The following CSMD1 variants were observed in gnomAD, a reference collection of about 807,000 sequenced individuals.
CSMD1 encodes the protein CUB and sushi domain-containing protein 1.
Under a neutral mutation model 417.5 loss-of-function variants are expected in CSMD1, and 213 were observed. That is an observed-to-expected ratio of 0.51 (90% confidence interval 0.46 to 0.57). CSMD1 has a LOEUF of 0.57. Ranked by LOEUF, CSMD1 falls within the 20% of genes least tolerant of loss-of-function variation. The pLI is 0.00. For missense variants in CSMD1, 6,923 were observed against 4,529.7 expected (o/e 1.53, Z -15.17); for synonymous variants, 2,862 against 1,736.8 (o/e 1.65, Z -16.11).
At chr8:4,310,919 C>T (rs1265719504) in intron 3 of CSMD1, among the ~76,000 whole-genome samples, 1 of 152,180 alleles carries the variant, frequency 6.6e-6, no homozygotes, top group Non-Finnish European at 1.5e-5. Flanking sequence ...TATCACTAAT[C>T]ATTAGAGAAA....
Position 3,367,266 on chromosome 8 carries a change from G to C in CSMD1, c.2900-19C>G. On this transcript the variant is annotated intron_variant, in intron 19 of 69. Transcript: ENST00000635120. ...TGAACTCCTGAGAAATGAAGCCGGG[G>C]GAGAGAGAGAGAGACAGAGAGAGAC... 1 of 1,522,310 alleles carries C rather than the reference G, an allele frequency of 6.6e-7. No individual in the cohort carries two copies. Among genetic ancestry groups the C allele is most frequent in the East Asian group, 2.4e-5 (1 of 42,352 alleles). 94.3% of individuals were successfully genotyped at this position (1,522,310 alleles called of 1,614,324 possible). A position where few individuals can be genotyped will look rare whatever the true frequency, so the allele number is the denominator to read the frequency against.
chr8:3,719,653 C>G (rs1204611045), intron 6 of CSMD1, among the ~76,000 whole-genome samples: 1 of 152,140 alleles, frequency 6.6e-6, no homozygotes, highest in Non-Finnish European at 1.5e-5. Context: ...GTAGGGCGGT[C>G]AGATGAGCTT....
At chr8:4,746,623 G>T (rs985657833) in intron 1 of CSMD1, among the ~76,000 whole-genome samples, 1 of 152,166 alleles carries the variant, frequency 6.6e-6, no homozygotes, top group African/African-American at 2.4e-5. Context: ...CAGCTGGGTA[G>T]GATAATTATA....
At chr8:3,835,469 C>G (rs372434496) in intron 5 of CSMD1, among the ~76,000 whole-genome samples, 1 of 151,960 alleles carries the variant, frequency 6.6e-6, no homozygotes, top group African/African-American at 2.4e-5. Flanking sequence ...ACCGCCAGGA[C>G]AAAAAACCAA....
At chr8:4,881,251 G>C (rs1334638383) in intron 1 of CSMD1, among the ~76,000 whole-genome samples, 3 of 152,092 alleles carry the variant, frequency 2.0e-5, no homozygotes, top group Non-Finnish European at 4.4e-5. Flanking sequence ...TTATCAATAT[G>C]TGGTCTCTCT....
intron 1 of CSMD1, among the ~76,000 whole-genome samples, chr8:4,956,665 A>G (rs1461292000): frequency 6.6e-6 from 1 of 152,100 alleles, no homozygotes; most frequent in Non-Finnish European, 1.5e-5. Context: ...ACTTTCAGAA[A>G]ACAAACAAGT....
rs989069379 is a variant in CSMD1, at chr8:3,811,735, G to A, written c.819-57693C>T. 5.3e-5 allele frequency among the ~76,000 whole-genome samples: 8 copies of A among 152,166 alleles called. No homozygotes were observed. In the East Asian group the frequency reaches 7.7e-4, roughly 15 times the overall value. On this transcript the variant is annotated intron_variant, in intron 5 of 69. Transcript: ENST00000635120. ...ATTGTGAAAGCGGATTTCACAATGC[G>A]GCGGAGAAAGGGAACCTCCATGGAC...
chr8:4,965,388 T>A (rs1000952315), intron 1 of CSMD1, among the ~76,000 whole-genome samples: 5 of 152,226 alleles, frequency 3.3e-5, no homozygotes, highest in Non-Finnish European at 7.3e-5. Flanking sequence ...CCTATCTGAA[T>A]ATTTTGATTG....
intron 34 of CSMD1, among the ~76,000 whole-genome samples, chr8:3,189,335 C>T (rs1205168235): frequency 1.3e-5 from 2 of 152,152 alleles, no homozygotes; most frequent in African/African-American, 4.8e-5. Flanking sequence ...AATTTAAGGA[C>T]CTTGGCAGAG....
intron 3 of CSMD1, among the ~76,000 whole-genome samples, chr8:4,062,590 C>T (rs576161316): frequency 1.3e-5 from 2 of 152,236 alleles, no homozygotes; most frequent in East Asian, 3.9e-4. Context: ...TTCAGTGATA[C>T]GTCCCAGATC....
chr8:4,914,443 T>A (rs1367832365), intron 1 of CSMD1, among the ~76,000 whole-genome samples: 1 of 151,670 alleles, frequency 6.6e-6, no homozygotes, highest in Non-Finnish European at 1.5e-5. Context: ...CCGGGTGAGG[T>A]GGCGGGCCCC....
intron 1 of CSMD1, among the ~76,000 whole-genome samples, chr8:4,830,463 C>A (rs1477027854): frequency 1.3e-5 from 2 of 152,184 alleles, no homozygotes; most frequent in African/African-American, 2.4e-5. Context: ...GACTTAGGAT[C>A]TGTCTTTTTG....
chr8:4,612,558 G>C (rs192972554), intron 2 of CSMD1, among the ~76,000 whole-genome samples: 6 of 152,130 alleles, frequency 3.9e-5, no homozygotes, highest in Non-Finnish European at 7.3e-5. Flanking sequence ...CGAGGAACTG[G>C]AGGAACAGTG....
Position 4,347,779 on chromosome 8 carries a change from T to C in CSMD1, c.415+72174A>G, listed in dbSNP as rs184924423. Among the ~76,000 whole-genome samples the C allele has an allele frequency of 6.6e-5, 10 of 152,310 alleles. No individual in the cohort carries two copies. The East Asian group carries it at 1.7e-3, about 26-fold the overall frequency. ...TGCCAAGTTGTATTGGATAAAGTTTTAGTAACTCTAAATAAAATCTATAAT... is the reference window on the plus strand; with the variant it reads ...TGCCAAGTTGTATTGGATAAAGTTTCAGTAACTCTAAATAAAATCTATAAT... On this transcript the variant is annotated intron_variant, in intron 3 of 69. Coordinates refer to ENST00000635120, the MANE Select transcript of CSMD1 (RefSeq NM_033225.6).
chr8:4,075,241 G>A (rs1165547018), intron 3 of CSMD1, among the ~76,000 whole-genome samples: 1 of 151,902 alleles, frequency 6.6e-6, no homozygotes, highest in African/African-American at 2.4e-5. Context: ...TAAGGACTTA[G>A]GATAATCTAA....
At chr8:3,326,901 A>T (rs977210114) in intron 23 of CSMD1, among the ~76,000 whole-genome samples, 1 of 152,154 alleles carries the variant, frequency 6.6e-6, no homozygotes, top group African/African-American at 2.4e-5. Flanking sequence ...CATTGATAGG[A>T]AAGTTTTGCT....
At chr8:4,469,251 G>T (rs894989360) in intron 2 of CSMD1, among the ~76,000 whole-genome samples, 1 of 152,200 alleles carries the variant, frequency 6.6e-6, no homozygotes, top group African/African-American at 2.4e-5. Flanking sequence ...AAGGAGCTCA[G>T]GGGTCAGGCT....
intron 12 of CSMD1, among the ~76,000 whole-genome samples, chr8:3,423,120 T>C (rs1015731792): frequency 6.6e-6 from 1 of 152,204 alleles, no homozygotes; most frequent in Non-Finnish European, 1.5e-5. Flanking sequence ...TTATTACTCA[T>C]CATAGTTCAA....
chr8:4,392,127 C>T (rs1171442629), intron 3 of CSMD1, among the ~76,000 whole-genome samples: 1 of 152,192 alleles, frequency 6.6e-6, no homozygotes, highest in Non-Finnish European at 1.5e-5. Context: ...ACAGCTGAGT[C>T]AAGTCCAGAT....
Sources: gnomAD v4.1 joint callset for allele counts (sites outside exome capture counted in the v4.1 genomes callset) on GRCh38, gnomAD v4.1.1 for gene constraint, MANE v1.5 for transcripts, NCBI Gene and HGNC (gene_info 2026-07-23, HGNC 2026-07-21) for gene names.